The following DCHS1 variants were observed in gnomAD, a reference collection of about 807,000 sequenced individuals.
The protein encoded by DCHS1 is dachsous cadherin-related 1.
Under a neutral mutation model 213.9 loss-of-function variants are expected in DCHS1, and 78 were observed. The ratio of observed to expected loss-of-function variants is 0.36; its 90% CI spans 0.30 to 0.44. The LOEUF (loss-of-function observed/expected upper bound fraction) is 0.44, where lower values mean the gene tolerates loss of function less well. Ranked by LOEUF, DCHS1 falls within the 20% of genes least tolerant of loss-of-function variation. The pLI, the probability that DCHS1 is intolerant of heterozygous loss-of-function variation, is 1.00. For missense variants in DCHS1, 3,946 were observed against 4,395.9 expected (o/e 0.90, Z 2.89); for synonymous variants, 1,828 against 1,873.7 (o/e 0.98, Z 0.63).
chr11:6,640,911 G>T lies in DCHS1; in HGVS notation c.703C>A (p.Arg235=), dbSNP rs188153920. 4 of 1,613,720 alleles carry T rather than the reference G, an allele frequency of 2.5e-6. No homozygotes were observed. In the African/African-American group the frequency reaches 4.0e-5, roughly 16 times the overall value. The change falls in exon 2 of 21, where the codon CGG becomes AGG. Residue 235 remains arginine, a synonymous_variant. Transcript: ENST00000299441. This position sits in a 1 kb window ranked among gnomAD's most constrained non-coding sequence, Gnocchi z 6.5. ...ACGTCCAGCAGGGCCTGGGCCCTCC[G>T]GGGGGGTGAACCACCATCATAGGCC... is the stretch of plus-strand genomic sequence containing the variant. The part of the protein sequence containing the change: ...LEAYDGGSPP[R]RAQALLDVTL...
intron 2 of DCHS1, among the ~76,000 whole-genome samples, chr11:6,636,633 C>T (rs1449961436): frequency 6.6e-6 from 1 of 152,194 alleles, no homozygotes; most frequent in Non-Finnish European, 1.5e-5. Flanking sequence ...CATCACCATG[C>T]CCATCTCTCC....
At chr11:6,642,679 G>A (rs1589961745) in intron 1 of DCHS1, among the ~76,000 whole-genome samples, 1 of 152,118 alleles carries the variant, frequency 6.6e-6, no homozygotes, top group African/African-American at 2.4e-5. Context: ...TAGGGGCAGA[G>A]GGTATGAAAT....
intron 1 of DCHS1, among the ~76,000 whole-genome samples, chr11:6,652,566 T>G (rs894210884): frequency 6.6e-6 from 1 of 152,080 alleles, no homozygotes; most frequent in Non-Finnish European, 1.5e-5. Flanking sequence ...GGGAAACACA[T>G]GGAATAATCA....
intron 1 of DCHS1, among the ~76,000 whole-genome samples, chr11:6,651,895 TAAAGAG>T (rs1292672182): frequency 6.6e-6 from 1 of 152,070 alleles, no homozygotes. Context: ...AGCTATACAG[TAAAGAG>T]CAGGCATGCA....
chr11:6,650,380 TTACCTAGGGAAGATGGA>T (rs1490483413), intron 1 of DCHS1, among the ~76,000 whole-genome samples: 3 of 151,910 alleles, frequency 2.0e-5, no homozygotes, highest in African/African-American at 7.3e-5. Flanking sequence ...TGTCAGAAGG[TTACCTAGGGAAGATGGA>T]TACAGGAGCT....
intron 1 of DCHS1, among the ~76,000 whole-genome samples, chr11:6,652,147 C>T (rs1041528050): frequency 1.3e-5 from 2 of 152,116 alleles, no homozygotes; most frequent in African/African-American, 4.8e-5. Context: ...GAGATACATA[C>T]CATAATGTAA....
intron 1 of DCHS1, among the ~76,000 whole-genome samples, chr11:6,646,839 C>A (rs1589963234): frequency 6.6e-6 from 1 of 152,174 alleles, no homozygotes. Flanking sequence ...AACAGAGCTT[C>A]CCTCACACCC....
At position 6,625,477 on chromosome 11, in the gene DCHS1, C is replaced by T. The variant is rs144165467; in HGVS notation, c.6867G>A (p.Ala2289=). ...QPWELRVSED[A]LLGSEIAQVT... ...CCTGTGCAATCTCTGAGCCCAATAA[C>T]GCATCTGGAATACATGAGACTAGTG... is the stretch of plus-strand genomic sequence containing the variant. Residue 2289 remains alanine, a synonymous_variant, in exon 19 of 21, where the codon GCG becomes GCA. Transcript: ENST00000299441. This position sits in a 1 kb window ranked among gnomAD's most constrained non-coding sequence, Gnocchi z 5.3. 2.7e-5 allele frequency: 44 copies of T among 1,603,086 alleles called. No individual in the cohort carries two copies. The highest frequency in any genetic ancestry group is 3.3e-4 in the Middle Eastern group (2 of 6,002).
chr11:6,632,957 A>G lies in DCHS1; in HGVS notation c.2555T>C (p.Leu852Pro). 1 of 1,614,048 alleles carries G rather than the reference A, an allele frequency of 6.2e-7. No homozygotes were observed. Among genetic ancestry groups the G allele is most frequent in the Non-Finnish European group, 8.5e-7 (1 of 1,179,898 alleles). Residue 852 changes from leucine to proline, a missense_variant, in exon 6 of 21, where the codon CTG (leucine) becomes CCG (proline). Coordinates refer to ENST00000299441, the MANE Select transcript of DCHS1 (RefSeq NM_003737.4). This position sits in a 1 kb window ranked among gnomAD's most constrained non-coding sequence, Gnocchi z 5.9. ...CACTGGTCCCAGTAGCTCCCGGTCC[A>G]GAGGGCGAAGTGTTTGCAACAGTCC... ...VSGLLQTLRP[L>P]DRELLGPVLE...
In DCHS1 at chr11:6,622,618, G is replaced by A; in HGVS notation, c.9058C>T (p.Pro3020Ser). Residue 3020 changes from proline to serine, a missense_variant, in exon 21 of 21, where the codon CCC becomes TCC. Physicochemically the swap from Pro to Ser is moderately conservative, Grantham distance 74 (BLOSUM62 -1). Around this residue, in one of 3 missense-constraint regions of DCHS1, gnomAD observed 554 missense variants for 590.2 expected, o/e 0.94. Coordinates refer to ENST00000299441, the MANE Select transcript of DCHS1 (RefSeq NM_003737.4). This position sits in a 1 kb window ranked among gnomAD's most constrained non-coding sequence, Gnocchi z 5.4. Reference sequence around the variant, plus strand: ...GAAGGGTCCAAGGAGCCACCACGGGGGTAGGGTCCTCCAGCTCCTGGCCCA... The same window carrying A: ...GAAGGGTCCAAGGAGCCACCACGGGAGTAGGGTCCTCCAGCTCCTGGCCCA... ...YGGPGAGGPY[P>S]RGGSLDPSHS... The A allele has an allele frequency of 6.3e-7, 1 of 1,584,040 alleles. No individual in the cohort carries two copies. Among genetic ancestry groups the A allele is most frequent in the Non-Finnish European group, 8.6e-7 (1 of 1,165,558 alleles).
intron 2 of DCHS1, among the ~76,000 whole-genome samples, chr11:6,639,457 A>C (rs1036109157): frequency 6.6e-6 from 1 of 152,168 alleles, no homozygotes; most frequent in African/African-American, 2.4e-5. Context: ...AGGGCCCCAT[A>C]AATTCTGGTG....
At chr11:6,633,305 C>T in intron 5 of DCHS1, 107 bp downstream of exon 5, 1 of 1,231,860 alleles carries the variant, frequency 8.1e-7, no homozygotes, top group Non-Finnish European at 1.1e-6. Flanking sequence ...GTGTTTTATA[C>T]TGGGGCTATC....
At position 6,632,829 on chromosome 11, in the gene DCHS1, G is replaced by A. The variant is rs1433358202; in HGVS notation, c.2683C>T (p.Pro895Ser). The A allele has an allele frequency of 6.2e-6, 10 of 1,613,902 alleles. No individual in the cohort carries two copies. Among genetic ancestry groups the A allele is most frequent in the Non-Finnish European group, 8.5e-6 (10 of 1,179,888 alleles). ...AGCAATACCGTGTCTTCAGGTGCAG[G>A]AAAGGCAGGGGAGTTGTCATTCACA... ...DDVNDNSPAFPAPEDTVLLPP... is the reference protein window; with the variant it reads ...DDVNDNSPAFSAPEDTVLLPP... The change falls in exon 6 of 21, where the codon CCT becomes TCT. Residue 895 changes from proline (P) to serine (S), a missense_variant. Pro to Ser is a moderately conservative substitution (Grantham distance 74). Around this residue, in one of 3 missense-constraint regions of DCHS1, gnomAD observed 3,384 missense variants for 3,780.1 expected, o/e 0.90. Coordinates refer to ENST00000299441, the MANE Select transcript of DCHS1 (RefSeq NM_003737.4). This position sits in a 1 kb window ranked among gnomAD's most constrained non-coding sequence, Gnocchi z 5.9.
At position 6,628,486 on chromosome 11, in the gene DCHS1, G is replaced by T. The variant is rs1855846884; in HGVS notation, c.5371+135C>A. 1.1e-6 allele frequency: 1 copy of T among 889,194 alleles called. No individual in the cohort carries two copies. 55.1% of individuals were successfully genotyped at this position (889,194 alleles called of 1,614,324 possible). On this transcript the variant is annotated intron_variant, in intron 13 of 20. Coordinates refer to ENST00000299441, the MANE Select transcript of DCHS1 (RefSeq NM_003737.4). The surrounding 1 kb of genome is among the most constrained non-coding windows in gnomAD (Gnocchi z 4.3). ...AGATACCTAGCTACACTGGGTATAA[G>T]CATGAAAGAAAAGGTGGACGACATC...
At chr11:6,648,792 T>C (rs1856203310) in intron 1 of DCHS1, among the ~76,000 whole-genome samples, 1 of 152,166 alleles carries the variant, frequency 6.6e-6, no homozygotes, top group South Asian at 2.1e-4. Flanking sequence ...TAATACCTAC[T>C]ACATTGTATT....
chr11:6,645,026 G>A (rs781226537), intron 1 of DCHS1, among the ~76,000 whole-genome samples: 5 of 152,228 alleles, frequency 3.3e-5, no homozygotes, highest in African/African-American at 7.2e-5. Context: ...CCCAGGCTGC[G>A]CATTATGTCC....
intron 1 of DCHS1, among the ~76,000 whole-genome samples, chr11:6,649,720 C>G (rs992910078): frequency 6.6e-6 from 1 of 152,024 alleles, no homozygotes; most frequent in Admixed American, 6.5e-5. Flanking sequence ...GGTGAGGGAG[C>G]TGGGGCACGG....
rs1855821558 is a variant in DCHS1 at position 6,627,174 on chromosome 11, G to A, written c.5865C>T (p.Asp1955=). The change falls in exon 14 of 21, where the codon GAC becomes GAT. Residue 1955 remains aspartate, a synonymous_variant. Coordinates refer to ENST00000299441, the MANE Select transcript of DCHS1 (RefSeq NM_003737.4). The surrounding 1 kb of genome is among the most constrained non-coding windows in gnomAD (Gnocchi z 5.4). ...GACTGGTGGGGAAGGTGGGTGCATG[G>A]TCATTGACATCGCGCACCGTGATGG... ...SVTITVRDVN[D]HAPTFPTSPL... The A allele has an allele frequency of 6.2e-7, 1 of 1,612,726 alleles. No homozygotes were observed. Among genetic ancestry groups the A allele is most frequent in the Non-Finnish European group, 8.5e-7 (1 of 1,179,382 alleles).
chr11:6,631,522 C>A, intron 7 of DCHS1, 94 bp downstream of exon 7: 1 of 1,577,370 alleles, frequency 6.3e-7, no homozygotes, highest in South Asian at 1.1e-5. Context: ...ACACCCAATC[C>A]AGGAGGCAGT....
Sources: gnomAD v4.1 joint callset for allele counts (sites outside exome capture counted in the v4.1 genomes callset) on GRCh38, gnomAD v4.1.1 for gene constraint, gnomAD v4.1.1 regional missense constraint, Gnocchi (gnomAD v3.1) non-coding constraint, MANE v1.5 for transcripts, NCBI Gene and HGNC (gene_info 2026-07-23, HGNC 2026-07-21) for gene names.